The following KCNQ5 variants were observed in gnomAD, a reference collection of about 807,000 sequenced individuals.
KCNQ5 encodes the protein potassium voltage-gated channel subfamily Q member 5, also known as potassium voltage-gated channel subfamily KQT member 5.
In KCNQ5, 30 loss-of-function variants were observed where a neutral mutation model predicts 98.2. That is an observed-to-expected ratio of 0.31 (90% CI 0.23 to 0.41). The LOEUF is 0.41. KCNQ5 is among the 10% of genes least tolerant of loss of function. The pLI, the probability that KCNQ5 is intolerant of heterozygous loss-of-function variation, is 1.00. For synonymous variants in KCNQ5, 458 were observed against 449.4 expected, an observed-to-expected ratio of 1.02 and a Z score of -0.24; for missense variants, 835 against 1,182.5, an observed-to-expected ratio of 0.71 and a Z score of 4.31.
At chr6:72,793,100 G>A (rs1360689000) in intron 1 of KCNQ5, among the ~76,000 whole-genome samples, 1 of 152,142 alleles carries the variant, frequency 6.6e-6, no homozygotes, top group Non-Finnish European at 1.5e-5. Context: ...AGTGCGTAGG[G>A]CATTTGCACC....
intron 1 of KCNQ5, among the ~76,000 whole-genome samples, chr6:72,824,675 G>C (rs1775907061): frequency 6.6e-6 from 1 of 152,034 alleles, no homozygotes; most frequent in Non-Finnish European, 1.5e-5. Context: ...ATGGAGATTT[G>C]ATAGGGAAGA....
chr6:73,070,113 T>C (rs1773238153), intron 3 of KCNQ5, among the ~76,000 whole-genome samples: 3 of 152,208 alleles, frequency 2.0e-5, no homozygotes, highest in Non-Finnish European at 4.4e-5. Context: ...GAATTTAATA[T>C]GAGGTCTGTA....
At chr6:72,864,892 CAT>C (rs1777918218) in intron 1 of KCNQ5, among the ~76,000 whole-genome samples, 1 of 152,132 alleles carries the variant, frequency 6.6e-6, no homozygotes, top group African/African-American at 2.4e-5. Flanking sequence ...GAAAAACTGA[CAT>C]GTATTTCAAG....
At chr6:72,973,911 A>C (rs1197434384) in intron 1 of KCNQ5, among the ~76,000 whole-genome samples, 1 of 152,144 alleles carries the variant, frequency 6.6e-6, no homozygotes, top group Non-Finnish European at 1.5e-5. Context: ...GTGTACATAA[A>C]CTTTTCCCAC....
chr6:72,865,373 T>A (rs773141322), intron 1 of KCNQ5, among the ~76,000 whole-genome samples: 1 of 152,200 alleles, frequency 6.6e-6, no homozygotes, highest in East Asian at 1.9e-4. Flanking sequence ...ATAAACCAAG[T>A]ACCTCATAGA....
intron 1 of KCNQ5, among the ~76,000 whole-genome samples, chr6:72,977,918 T>C (rs1768234463): frequency 6.6e-6 from 1 of 152,228 alleles, no homozygotes; most frequent in South Asian, 2.1e-4. Flanking sequence ...TGGCACATAG[T>C]AGCCCCTGAA....
intron 1 of KCNQ5, among the ~76,000 whole-genome samples, chr6:72,891,135 CT>C (rs1245709616): frequency 3.3e-5 from 5 of 152,142 alleles, no homozygotes; most frequent in Admixed American, 6.5e-5. Flanking sequence ...AGCAAGTGTC[CT>C]TGGGATCCTG....
intron 2 of KCNQ5, among the ~76,000 whole-genome samples, chr6:73,026,755 T>C (rs1770908170): frequency 6.6e-6 from 1 of 152,116 alleles, no homozygotes; most frequent in East Asian, 1.9e-4. Context: ...GCGATTTCTG[T>C]GTATCAGGCA....
intron 5 of KCNQ5, among the ~76,000 whole-genome samples, chr6:73,088,396 A>G (rs1207984803): frequency 6.6e-6 from 1 of 152,162 alleles, no homozygotes; most frequent in Non-Finnish European, 1.5e-5. Context: ...TTCTCTATTG[A>G]GTTTCCATTT....
At chr6:73,116,563 C>T (rs1775505655) in intron 7 of KCNQ5, among the ~76,000 whole-genome samples, 2 of 152,142 alleles carry the variant, frequency 1.3e-5, no homozygotes, top group Admixed American at 1.3e-4. Context: ...ACACCTGTAG[C>T]TACTCAGGAG....
At chr6:72,740,599 T>C (rs1771081785) in intron 1 of KCNQ5, among the ~76,000 whole-genome samples, 1 of 152,026 alleles carries the variant, frequency 6.6e-6, no homozygotes, top group African/African-American at 2.4e-5. Flanking sequence ...GCAATGGATA[T>C]AGTTGAGCAA....
rs549265310 is a variant in KCNQ5, at chr6:72,860,271, C to A, written c.399-143637C>A. Among the ~76,000 whole-genome samples the A allele has an allele frequency of 3.3e-5, 5 of 152,262 alleles. No individual in the cohort carries two copies. The South Asian group carries it at 1.0e-3, about 32-fold the overall frequency. On this transcript the variant is annotated intron_variant, in intron 1 of 13. Coordinates refer to ENST00000370398, the MANE Select transcript of KCNQ5 (RefSeq NM_019842.4). Reference sequence around the variant, plus strand: ...TTTTGAAGTCTCACCTGCAAGGTAGCAGACCGTAAAAAATACCTAACCCTC... The same window carrying A: ...TTTTGAAGTCTCACCTGCAAGGTAGAAGACCGTAAAAAATACCTAACCCTC...
At chr6:72,879,542 CACTTT>C (rs1157729929) in intron 1 of KCNQ5, among the ~76,000 whole-genome samples, 1 of 152,118 alleles carries the variant, frequency 6.6e-6, no homozygotes, top group East Asian at 1.9e-4. Flanking sequence ...TTCTCTTAGA[CACTTT>C]ACTTCTACCA....
chr6:72,998,902 TCTGTTGATTTGA>T (rs1769436164), intron 1 of KCNQ5, among the ~76,000 whole-genome samples: 1 of 152,196 alleles, frequency 6.6e-6, no homozygotes, highest in Non-Finnish European at 1.5e-5. Context: ...CAAAGCCTAC[TCTGTTGATTTGA>T]CTGTTGTATC....
chr6:73,067,340 G>A (rs1773098770), intron 3 of KCNQ5, among the ~76,000 whole-genome samples: 1 of 152,168 alleles, frequency 6.6e-6, no homozygotes, highest in South Asian at 2.1e-4. Context: ...CTAGAAAAGT[G>A]AAGGGAAAGG....
At chr6:72,792,657 G>A (rs1163894638) in intron 1 of KCNQ5, among the ~76,000 whole-genome samples, 4 of 152,108 alleles carry the variant, frequency 2.6e-5, no homozygotes, top group Non-Finnish European at 5.9e-5. Flanking sequence ...TGTGGCTACT[G>A]TATAATAACC....
At chr6:72,819,016 T>C (rs1775632587) in intron 1 of KCNQ5, among the ~76,000 whole-genome samples, 1 of 152,124 alleles carries the variant, frequency 6.6e-6, no homozygotes, top group South Asian at 2.1e-4. Context: ...AAATTCTTAC[T>C]ACTATTGATC....
chr6:73,055,257 C>T (rs1772427413), intron 3 of KCNQ5: 1 of 1,304,766 alleles, frequency 7.7e-7, no homozygotes, highest in East Asian at 2.3e-5. Context: ...ATCTGCTTCA[C>T]CTCATTGCAG....
At chr6:72,901,083 C>T (rs573753807) in intron 1 of KCNQ5, among the ~76,000 whole-genome samples, 51 of 151,848 alleles carry the variant, frequency 3.4e-4, no homozygotes, top group Non-Finnish European at 6.2e-4. Flanking sequence ...CCCATTAACT[C>T]ATCATTTACC....
Sources: allele counts gnomAD v4.1 joint callset (sites outside exome capture counted in the v4.1 genomes callset), GRCh38; gene constraint gnomAD v4.1.1; transcripts MANE v1.5; gene names NCBI Gene and HGNC (gene_info 2026-07-23, HGNC 2026-07-21).